Variants in LACRT observed in about 807,000 individuals in gnomAD.
LACRT encodes the protein extracellular glycoprotein lacritin.
A neutral mutation model predicts 14.5 loss-of-function variants in LACRT; 14 were observed. That is an observed-to-expected ratio of 0.96 (90% CI 0.64 to 1.51). The LOEUF is 1.51. Among genes scored for constraint, LACRT ranks in the 40% most tolerant of loss-of-function variants. The probability of loss-of-function intolerance (pLI) is 0.00; values close to 1 mark genes in which losing one functional copy is unlikely to be tolerated. For synonymous variants in LACRT, 70 were observed against 63.5 expected (o/e 1.10, Z -0.48); for missense variants, 156 against 161.8 (o/e 0.96, Z 0.19).
At chr12:54,634,754 T>C (rs745489860) in intron 1 of LACRT, 30 bp downstream of exon 1, 1 of 1,604,522 alleles carries the variant, frequency 6.2e-7, no homozygotes, top group Admixed American at 1.7e-5. Flanking sequence ...GGAGGACTCT[T>C]GTGGGGCGCA....
intron 2 of LACRT, 80 bp downstream of exon 2, chr12:54,633,100 C>T: frequency 2.9e-6 from 4 of 1,375,422 alleles, no homozygotes; most frequent in Non-Finnish European, 4.2e-6. Flanking sequence ...CCACTGGCTT[C>T]TTCTCCCAGC....
In LACRT at chr12:54,631,856, A is replaced by C. The variant is rs763681841; in HGVS notation, c.254-17T>G. 1 of 1,572,160 alleles carries C rather than the reference A, an allele frequency of 6.4e-7. No individual in the cohort carries two copies. Among genetic ancestry groups the C allele is most frequent in the African/African-American group, 1.4e-5 (1 of 74,034 alleles). On this transcript the variant is annotated splice_polypyrimidine_tract_variant and intron_variant, in intron 3 of 4. Transcript: ENST00000257867. Reference sequence around the variant, plus strand: ...CTATGGATTCTAATTTTGGAGCAGAACAATCACATCAGCAGAAAAATCACC... The same window carrying C: ...CTATGGATTCTAATTTTGGAGCAGACCAATCACATCAGCAGAAAAATCACC...
In LACRT at chr12:54,634,122, G is replaced by A. The variant is rs552679836; in HGVS notation, c.58+662C>T. Among the ~76,000 whole-genome samples the A allele has an allele frequency of 9.8e-4, 149 of 152,258 alleles. 2 individuals carry two copies. The highest frequency in any genetic ancestry group is 1.5e-3 in the Non-Finnish European group (101 of 68,024). On this transcript the variant is annotated intron_variant, in intron 1 of 4. Coordinates refer to ENST00000257867, the MANE Select transcript of LACRT (RefSeq NM_033277.2). ...AATTCCAACACTTTGGGAGGCCAAGGCAGTCGGATCACCTGAGGTCAGGAG... is the reference window on the plus strand; with the variant it reads ...AATTCCAACACTTTGGGAGGCCAAGACAGTCGGATCACCTGAGGTCAGGAG...
chr12:54,634,467 T>A (rs1401035749), intron 1 of LACRT, among the ~76,000 whole-genome samples: 1 of 152,040 alleles, frequency 6.6e-6, no homozygotes, highest in Non-Finnish European at 1.5e-5. Flanking sequence ...ACTCCTTGCC[T>A]GGGCACCCTC....
intron 2 of LACRT, 50 bp from the exon 3 acceptor site, chr12:54,632,431 C>CT: frequency 6.2e-7 from 1 of 1,605,750 alleles, no homozygotes. Flanking sequence ...GTGTTTGTTT[C>CT]TTTTGGAATG....
intron 4 of LACRT, among the ~76,000 whole-genome samples, chr12:54,631,183 C>T (rs556494815): frequency 1.3e-5 from 2 of 152,150 alleles, no homozygotes; most frequent in African/African-American, 4.8e-5. Flanking sequence ...GGCTCTGCTG[C>T]GGGAAGGTAG....
Position 54,633,395 on chromosome 12 carries a change from G to T in LACRT, c.59-162C>A, listed in dbSNP as rs145073061. Among the ~76,000 whole-genome samples the T allele has an allele frequency of 7.8e-4, 119 of 152,286 alleles. 1 individual carries two copies. In the East Asian group the frequency reaches 0.012, roughly 15 times the overall value. On this transcript the variant is annotated intron_variant, in intron 1 of 4. Coordinates refer to ENST00000257867, the MANE Select transcript of LACRT (RefSeq NM_033277.2). ...ACATGCCCTTCCACCATATCAGCGG[G>T]TCTACTGGGGCACTCTCTGATGTTT...
chr12:54,632,421 G>A (rs984007095), intron 2 of LACRT, 40 bp from the exon 3 acceptor site: 1 of 1,608,900 alleles, frequency 6.2e-7, no homozygotes, highest in East Asian at 2.2e-5. Flanking sequence ...CAAAGTGAAA[G>A]TGTTTGTTTC....
intron 2 of LACRT, 76 bp downstream of exon 2, chr12:54,633,104 T>C (rs990539545): frequency 1.0e-4 from 147 of 1,415,894 alleles, no homozygotes; most frequent in Non-Finnish European, 1.7e-5. Flanking sequence ...TGGCTTCTTC[T>C]CCCAGCCACC....
chr12:54,631,827 T>C lies in LACRT; in HGVS notation c.266A>G (p.Glu89Gly). The C allele has an allele frequency of 6.2e-7, 1 of 1,612,370 alleles. No individual in the cohort carries two copies. The highest frequency in any genetic ancestry group is 8.5e-7 in the Non-Finnish European group (1 of 1,178,434). The change falls in exon 4 of 5, where the codon GAG (glutamate) becomes GGG (glycine). Residue 89 changes from glutamate (E) to glycine (G), a missense_variant. Transcript: ENST00000257867. ...QELNPLKSIV[E>G]KSILLTEQAL... is the part of the protein sequence containing the mutation. ...TTGTTCTGTTAGTAAGATACTTTTCTCCACTATGGATTCTAATTTTGGAGC... is the reference window on the plus strand; with the variant it reads ...TTGTTCTGTTAGTAAGATACTTTTCCCCACTATGGATTCTAATTTTGGAGC...
chr12:54,633,208 A>T lies in LACRT; in HGVS notation c.84T>A (p.Gly28=). 6.2e-7 allele frequency: 1 copy of T among 1,613,840 alleles called. No individual in the cohort carries two copies. Among genetic ancestry groups the T allele is most frequent in the Middle Eastern group, 1.7e-4 (1 of 6,058 alleles). ...TCCCAGCTTCCTGGGCAGGATCAGC[A>T]CCCGTCGAGTCAGAGGAGGCATCTT... ...YAEDASSDST[G]ADPAQEAGTS... The change falls in exon 2 of 5, where the codon GGT becomes GGA. Residue 28 remains glycine (G), a synonymous_variant. Coordinates refer to ENST00000257867, the MANE Select transcript of LACRT (RefSeq NM_033277.2).
In LACRT at chr12:54,630,953, T is replaced by C. The variant is rs760526202; in HGVS notation, c.356A>G (p.Asn119Ser). The change falls in exon 5 of 5, where the codon AAT becomes AGT. Residue 119 changes from asparagine (N) to serine (S), a missense_variant and splice_region_variant. Asn to Ser is a conservative substitution (Grantham distance 46). Coordinates refer to ENST00000257867, the MANE Select transcript of LACRT (RefSeq NM_033277.2). ...TAATTTTTGTGCAAATTCACTTCCATCTAGAAGGAAAGATGAGACAAATGA... is the reference window on the plus strand; with the variant it reads ...TAATTTTTGTGCAAATTCACTTCCACCTAGAAGGAAAGATGAGACAAATGA... ...GVPGGKQFIE[N>S]GSEFAQKLLK... 5 of 1,606,526 alleles carry C rather than the reference T, an allele frequency of 3.1e-6. No individual in the cohort carries two copies. In the Admixed American group the frequency reaches 6.7e-5, roughly 21 times the overall value.
chr12:54,631,008 C>A (rs1958149126), intron 4 of LACRT, 55 bp from the exon 5 acceptor site: 2 of 1,084,176 alleles, frequency 1.8e-6, no homozygotes, highest in African/African-American at 3.1e-5. Flanking sequence ...ACCAGCTCCA[C>A]CCCTTCCATT....
At chr12:54,631,084 G>C in intron 4 of LACRT, 131 bp from the exon 5 acceptor site, 1 of 654,138 alleles carries the variant, frequency 1.5e-6, no homozygotes, top group South Asian at 1.8e-5. Flanking sequence ...ACAGAAGTTG[G>C]AGGGATTGAG....
At position 54,632,298 on chromosome 12, in the gene LACRT, C is replaced by T; in HGVS notation, c.196G>A (p.Ala66Thr). 1 of 1,614,142 alleles carries T rather than the reference C, an allele frequency of 6.2e-7. No individual in the cohort carries two copies. The highest frequency in any genetic ancestry group is 8.5e-7 in the Non-Finnish European group (1 of 1,180,018). Residue 66 changes from alanine to threonine, a missense_variant, in exon 3 of 5, where the codon GCA becomes ACA. Coordinates refer to ENST00000257867, the MANE Select transcript of LACRT (RefSeq NM_033277.2). ...ACCTTGGCTGTCCCCTGAACTGCTGCCGCCGAAGTCTCCTGGGCTGTTGTG... is the reference window on the plus strand; with the variant it reads ...ACCTTGGCTGTCCCCTGAACTGCTGTCGCCGAAGTCTCCTGGGCTGTTGTG... Reference protein sequence around the residue: ...TTTTAQETSAAAVQGTAKVTS... With the variant: ...TTTTAQETSATAVQGTAKVTS...
In LACRT at chr12:54,632,775, G is replaced by C. The variant is rs979900675; in HGVS notation, c.113-394C>G. 2.0e-5 allele frequency among the ~76,000 whole-genome samples: 3 copies of C among 152,150 alleles called. 1 individual carries two copies. The highest frequency in any genetic ancestry group is 1.5e-5 in the Non-Finnish European group (1 of 68,044). On this transcript the variant is annotated intron_variant, in intron 2 of 4. Transcript: ENST00000257867. The stretch of plus-strand genomic sequence containing the variant: ...TAGCTGATGTGGGTGCGACATAAAA[G>C]AGAGTCATGGAAAATGGGGTTGGAA...
In LACRT at chr12:54,630,896, G is replaced by A. The variant is rs892515479; in HGVS notation, c.413C>T (p.Ala138Val). ...GATCCCATTCTTTTCAGCTTCTCAT[G>A]CCCATGGTTTTAATAGACTGAATTT... ...LKKFSLLKPW[A>V] is the part of the protein sequence containing the mutation. The change falls in exon 5 of 5, where the codon GCA (alanine) becomes GTA (valine). Residue 138 changes from alanine (A) to valine (V), a missense_variant. Physicochemically the swap from Ala to Val is moderately conservative, Grantham distance 64. Transcript: ENST00000257867. The A allele has an allele frequency of 1.2e-6, 2 of 1,606,184 alleles. No individual in the cohort carries two copies. The highest frequency in any genetic ancestry group is 1.7e-6 in the Non-Finnish European group (2 of 1,172,900).
Position 54,630,902 on chromosome 12 carries a change from G to A in LACRT, c.407C>T (p.Pro136Leu). Residue 136 changes from proline to leucine, a missense_variant, in exon 5 of 5, where the codon CCA becomes CTA. Coordinates refer to ENST00000257867, the MANE Select transcript of LACRT (RefSeq NM_033277.2). ...ATTCTTTTCAGCTTCTCATGCCCAT[G>A]GTTTTAATAGACTGAATTTCTTCAG... is the stretch of plus-strand genomic sequence containing the variant. ...KLLKKFSLLK[P>L]WA The A allele has an allele frequency of 6.2e-7, 1 of 1,608,804 alleles. No homozygotes were observed. The highest frequency in any genetic ancestry group is 1.1e-5 in the South Asian group (1 of 90,980).
At chr12:54,634,266 C>T (rs1174484720) in intron 1 of LACRT, among the ~76,000 whole-genome samples, 6 of 150,642 alleles carry the variant, frequency 4.0e-5, no homozygotes, top group African/African-American at 1.5e-4. Flanking sequence ...GCAAGATAAT[C>T]GCTGGAACCC....
Sources: gnomAD v4.1 joint callset for allele counts (sites outside exome capture counted in the v4.1 genomes callset) on GRCh38, gnomAD v4.1.1 for gene constraint, MANE v1.5 for transcripts, NCBI Gene and HGNC (gene_info 2026-07-23, HGNC 2026-07-21) for gene names.